LAMTOR5: variants seen among roughly 807,000 people sequenced by gnomAD.
LAMTOR5 encodes late endosomal/lysosomal adaptor, MAPK and MTOR activator 5.
Under a neutral mutation model 12.1 loss-of-function variants are expected in LAMTOR5, and 8 were observed. The ratio of observed to expected loss-of-function variants is 0.66; its 90% CI spans 0.39 to 1.19. The LOEUF (loss-of-function observed/expected upper bound fraction) is 1.19, where lower values mean the gene tolerates loss of function less well. LAMTOR5 is among the 50% of genes most tolerant of loss of function. LAMTOR5 has a pLI of 0.01. For synonymous variants in LAMTOR5, 37 were observed against 41.9 expected, an observed-to-expected ratio of 0.88 and a Z score of 0.45; for missense variants, 110 against 112.8, an observed-to-expected ratio of 0.97 and a Z score of 0.11.
chr1:110,407,227 GGCTCGACAC>G (rs2101112846), intron 1 of LAMTOR5: 1 of 578,990 alleles, frequency 1.7e-6, no homozygotes, highest in South Asian at 2.3e-5. Context: ...TACACTGCAG[GGCTCGACAC>G]TGCACAACTG....
chr1:110,407,035 C>T, intron 1 of LAMTOR5: 1 of 698,738 alleles, frequency 1.4e-6, no homozygotes, highest in Non-Finnish European at 2.6e-6. Flanking sequence ...CAAGTTACCT[C>T]CTGGAGGGTA....
At chr1:110,402,392 A>G (rs1663247639) in intron 3 of LAMTOR5, among the ~76,000 whole-genome samples, 1 of 152,080 alleles carries the variant, frequency 6.6e-6, no homozygotes, top group Non-Finnish European at 1.5e-5. Flanking sequence ...CTAGGATTAC[A>G]GGTGCCTGCC....
intron 3 of LAMTOR5, 123 bp from the exon 4 acceptor site, chr1:110,401,706 G>A (rs1263894320): frequency 5.7e-6 from 6 of 1,055,280 alleles, no homozygotes; most frequent in South Asian, 1.8e-5. Flanking sequence ...ACGTATAAAA[G>A]CAATATTTAA....
chr1:110,403,765 G>C (rs977650377), intron 3 of LAMTOR5, 154 bp downstream of exon 3: 27 of 1,176,294 alleles, frequency 2.3e-5, no homozygotes, highest in Admixed American at 3.0e-5. Context: ...TAGCTTTAGG[G>C]ATCAACTTGT....
rs779703357 is a variant in LAMTOR5 at position 110,404,045 on chromosome 1, T to TA, written c.98-10dup. The TA allele has an allele frequency of 1.5e-5, 25 of 1,612,978 alleles. No homozygotes were observed. The East Asian group carries it at 5.6e-4, about 36-fold the overall frequency. On this transcript the variant is annotated splice_polypyrimidine_tract_variant and intron_variant, in intron 2 of 3. Transcript: ENST00000602318. ...TGACAGGGTCCCGCGGCCTGGAAAA[T>TA]AGAGATGATATATGTCACCTGATTG...
At chr1:110,404,393 T>A (rs1366882195) in intron 2 of LAMTOR5, among the ~76,000 whole-genome samples, 1 of 152,202 alleles carries the variant, frequency 6.6e-6, no homozygotes, top group East Asian at 1.9e-4. Context: ...GCCTTGAAGG[T>A]TTCTTGAAGG....
At chr1:110,407,108 G>A (rs181299125) in intron 1 of LAMTOR5, 23 of 656,842 alleles carry the variant, frequency 3.5e-5, no homozygotes, top group African/African-American at 3.3e-4. Context: ...CACTTTTCCA[G>A]TTTTGAATTT....
At chr1:110,401,618 A>G in intron 3 of LAMTOR5, 35 bp from the exon 4 acceptor site, 1 of 1,583,348 alleles carries the variant, frequency 6.3e-7, no homozygotes. Context: ...AGTAAAACGT[A>G]ATCAGTGGGA....
intron 2 of LAMTOR5, among the ~76,000 whole-genome samples, chr1:110,404,739 AT>A (rs1219581945): frequency 1.3e-5 from 2 of 152,188 alleles, no homozygotes; most frequent in African/African-American, 4.8e-5. Flanking sequence ...TTTTATACAT[AT>A]TATATAACCT....
In LAMTOR5 at chr1:110,407,613, G is replaced by A. The variant is rs755502064; in HGVS notation, c.8C>T (p.Ala3Val). ME[A>V]TLEQHLEDTM... is the part of the protein sequence containing the mutation. ...GTCTTCCAAGTGCTGCTCCAAGGTCGCCTCCATCCCACCCACCGACCACTC... is the reference window on the plus strand; with the variant it reads ...GTCTTCCAAGTGCTGCTCCAAGGTCACCTCCATCCCACCCACCGACCACTC... The change falls in exon 1 of 4, where the codon GCG becomes GTG. Residue 3 changes from alanine to valine, a missense_variant. By Grantham distance (64) the Ala-to-Val change is moderately conservative (BLOSUM62 0). Coordinates refer to ENST00000602318, the MANE Select transcript of LAMTOR5 (RefSeq NM_001382293.1). 1.9e-6 allele frequency: 3 copies of A among 1,614,110 alleles called. No individual in the cohort carries two copies. The highest frequency in any genetic ancestry group is 2.2e-5 in the South Asian group (2 of 91,070).
chr1:110,407,817 C>T (rs6674775), upstream of LAMTOR5: 774,422 of 1,613,548 alleles, frequency 0.48, 189,604 homozygotes, highest in Non-Finnish European at 0.51. Flanking sequence ...CTGACGAAGG[C>T]TTGGGCTCCC....
In LAMTOR5 at chr1:110,407,673, C is replaced by T. The variant is rs147214807; in HGVS notation, c.-53G>A. 5.6e-6 allele frequency: 9 copies of T among 1,614,234 alleles called. No homozygotes were observed. The highest frequency in any genetic ancestry group is 6.8e-6 in the Non-Finnish European group (8 of 1,180,040). Reference sequence around the variant, plus strand: ...ACCCAGCGGCACGGCACGTCCTTCTCCACCACAGGCCTCAGTCACTTGACG... The same window carrying T: ...ACCCAGCGGCACGGCACGTCCTTCTTCACCACAGGCCTCAGTCACTTGACG... On this transcript the variant is annotated 5_prime_UTR_variant, in exon 1 of 4. Coordinates refer to ENST00000602318, the MANE Select transcript of LAMTOR5 (RefSeq NM_001382293.1).
chr1:110,406,423 A>G (rs764948030), intron 1 of LAMTOR5, 44 bp from the exon 2 acceptor site: 1 of 1,372,870 alleles, frequency 7.3e-7, no homozygotes, highest in Admixed American at 1.8e-5. Flanking sequence ...TAATGGGAGA[A>G]AAAGGATTTA....
intron 1 of LAMTOR5, 96 bp downstream of exon 1, chr1:110,407,490 G>C: frequency 1.4e-6 from 2 of 1,451,188 alleles, no homozygotes; most frequent in Non-Finnish European, 1.8e-6. Flanking sequence ...ACGTCCCCGA[G>C]ACGCCCTGGC....
chr1:110,403,123 A>G (rs1482725759), intron 3 of LAMTOR5, among the ~76,000 whole-genome samples: 1 of 152,152 alleles, frequency 6.6e-6, no homozygotes, highest in Non-Finnish European at 1.5e-5. Flanking sequence ...GTTTAAGTAC[A>G]CTCTATGATG....
intron 2 of LAMTOR5, among the ~76,000 whole-genome samples, chr1:110,404,500 G>A (rs1331806496): frequency 1.3e-5 from 2 of 152,070 alleles, no homozygotes; most frequent in African/African-American, 2.4e-5. Context: ...TCTCCCAAAT[G>A]ACTGATCTGC....
chr1:110,407,747 C>A (rs750187684), upstream of LAMTOR5: 1 of 1,614,082 alleles, frequency 6.2e-7, no homozygotes, highest in African/African-American at 1.3e-5. Context: ...CAAAATTGAT[C>A]ACGGTGCAAC....
upstream of LAMTOR5, chr1:110,407,864 C>T (rs772257309): frequency 1.2e-6 from 2 of 1,612,534 alleles, no homozygotes; most frequent in Non-Finnish European, 1.7e-6. Flanking sequence ...CACCTGGCTC[C>T]ATGGCGGAAC....
At chr1:110,402,606 A>G (rs2101108270) in intron 3 of LAMTOR5, among the ~76,000 whole-genome samples, 1 of 152,272 alleles carries the variant, frequency 6.6e-6, no homozygotes, top group African/African-American at 2.4e-5. Flanking sequence ...GTTAACTATA[A>G]AACAGCCTCA....
Sources: gnomAD v4.1 joint callset for allele counts (sites outside exome capture counted in the v4.1 genomes callset) on GRCh38, gnomAD v4.1.1 for gene constraint, MANE v1.5 for transcripts, NCBI Gene and HGNC (gene_info 2026-07-23, HGNC 2026-07-21) for gene names.